Variants in MMP16 observed in about 807,000 individuals in gnomAD.
MMP16 encodes matrix metalloproteinase-16.
MMP16 carries 12 observed loss-of-function variants against 67.8 expected under a neutral mutation model. The observed-to-expected ratio is 0.18, with a 90% CI of 0.11 to 0.29. The LOEUF is 0.29. Among genes scored for constraint, MMP16 ranks in the 10% least tolerant of loss-of-function variants. The pLI, the probability that MMP16 is intolerant of heterozygous loss-of-function variation, is 1.00. For missense variants in MMP16, 475 were observed against 765.7 expected (o/e 0.62, Z 4.48); for synonymous variants, 249 against 255.9 (o/e 0.97, Z 0.26).
At chr8:88,124,073 T>G (rs1244991998) in intron 4 of MMP16, among the ~76,000 whole-genome samples, 1 of 152,038 alleles carries the variant, frequency 6.6e-6, no homozygotes, top group African/African-American at 2.4e-5. Flanking sequence ...ATGAGTAAAT[T>G]TCTTGCAATG....
At chr8:88,257,298 G>C (rs902639017) in intron 1 of MMP16, among the ~76,000 whole-genome samples, 1 of 152,268 alleles carries the variant, frequency 6.6e-6, no homozygotes, top group Admixed American at 6.5e-5. Flanking sequence ...AAATACATAT[G>C]GACAATGCAC....
At chr8:88,086,143 T>C (rs79820980) in intron 6 of MMP16, among the ~76,000 whole-genome samples, 4,044 of 151,948 alleles carry the variant, frequency 0.027, 234 homozygotes, top group African/African-American at 0.093. Flanking sequence ...GCTGACACTC[T>C]TTTCTTTTTA....
intron 4 of MMP16, among the ~76,000 whole-genome samples, chr8:88,153,623 C>A (rs1474192858): frequency 6.6e-6 from 1 of 151,186 alleles, no homozygotes; most frequent in Non-Finnish European, 1.5e-5. Flanking sequence ...GGAAAGGATT[C>A]CCTATTTAAT....
At chr8:88,124,449 T>C (rs922383890) in intron 4 of MMP16, among the ~76,000 whole-genome samples, 4 of 151,872 alleles carry the variant, frequency 2.6e-5, no homozygotes, top group Admixed American at 2.6e-4. Context: ...AGCAGAAACT[T>C]ATGTAAGCCC....
At chr8:88,064,956 T>C (rs1053799815) in intron 7 of MMP16, among the ~76,000 whole-genome samples, 1 of 152,024 alleles carries the variant, frequency 6.6e-6, no homozygotes, top group Non-Finnish European at 1.5e-5. Context: ...ATCAGCTGAG[T>C]GCCTTTGGGT....
intron 1 of MMP16, among the ~76,000 whole-genome samples, chr8:88,299,030 A>C (rs1388930652): frequency 6.6e-6 from 1 of 152,112 alleles, no homozygotes; most frequent in Middle Eastern, 3.4e-3. Context: ...TTCATCTTTT[A>C]AGATCACACA....
At chr8:88,230,540 T>C (rs35389061) in intron 1 of MMP16, among the ~76,000 whole-genome samples, 49 of 127,854 alleles carry the variant, frequency 3.8e-4, no homozygotes, top group African/African-American at 6.7e-4. Flanking sequence ...ATTTTCTTTT[T>C]TTTTTTTTTT....
intron 1 of MMP16, among the ~76,000 whole-genome samples, chr8:88,252,267 C>A (rs1351469967): frequency 3.3e-5 from 5 of 152,130 alleles, no homozygotes; most frequent in African/African-American, 7.2e-5. Flanking sequence ...GTCTTTATGA[C>A]CCTCTGATGG....
In MMP16 at chr8:88,167,543, C is replaced by T. The variant is rs551112793; in HGVS notation, c.709+126G>A. The T allele has an allele frequency of 2.9e-5, 25 of 860,994 alleles. No individual in the cohort carries two copies. In the Admixed American group the frequency reaches 6.7e-4, roughly 23 times the overall value. 53.3% of individuals were successfully genotyped at this position (860,994 alleles called of 1,614,324 possible). Reference sequence around the variant, plus strand: ...CCTAAAATGCTATAAAATATGCTTACATATTGCTTTGGAATTTTAAAAGTA... The same window carrying T: ...CCTAAAATGCTATAAAATATGCTTATATATTGCTTTGGAATTTTAAAAGTA... On this transcript the variant is annotated intron_variant, in intron 4 of 9. Coordinates refer to ENST00000286614, the MANE Select transcript of MMP16 (RefSeq NM_005941.5).
intron 1 of MMP16, among the ~76,000 whole-genome samples, chr8:88,245,368 G>A (rs965659365): frequency 6.6e-6 from 1 of 152,150 alleles, no homozygotes; most frequent in Non-Finnish European, 1.5e-5. Context: ...CAGACATTCT[G>A]AGTATGGAAG....
chr8:88,081,315 C>CA (rs1188909028), intron 6 of MMP16, among the ~76,000 whole-genome samples: 1 of 152,150 alleles, frequency 6.6e-6, no homozygotes, highest in Non-Finnish European at 1.5e-5. Flanking sequence ...TGAACTGACT[C>CA]ATTCTTTTAG....
intron 4 of MMP16, among the ~76,000 whole-genome samples, chr8:88,146,822 T>C (rs1371513315): frequency 1.3e-5 from 2 of 151,960 alleles, no homozygotes; most frequent in African/African-American, 4.8e-5. Context: ...AATATTTATG[T>C]AAATGTTCAA....
In MMP16 at chr8:88,039,268, G is replaced by A. The variant is rs1808096914; in HGVS notation, c.*2193C>T. The A allele has an allele frequency of 6.6e-6, 1 of 151,386 alleles. No homozygotes were observed. The highest frequency in any genetic ancestry group is 1.5e-5 in the Non-Finnish European group (1 of 67,750). 9.4% of individuals were successfully genotyped at this position (151,386 alleles called of 1,614,324 possible). On this transcript the variant is annotated 3_prime_UTR_variant, in exon 10 of 10. Coordinates refer to ENST00000286614, the MANE Select transcript of MMP16 (RefSeq NM_005941.5). This position sits in a 1 kb window ranked among gnomAD's most constrained non-coding sequence, Gnocchi z 4.5. ...AGGTTTTTTTTTTCCTATAGTTTTT[G>A]TAATTTGTACTAAAATGATGAATTT...
At chr8:88,077,109 T>C (rs1017837581) in intron 6 of MMP16, among the ~76,000 whole-genome samples, 3 of 152,200 alleles carry the variant, frequency 2.0e-5, no homozygotes, top group African/African-American at 7.2e-5. Flanking sequence ...CAGAAGGTCA[T>C]GTGAAACTGC....
In MMP16 at chr8:88,073,422, G is replaced by T. The variant is rs1043685316; in HGVS notation, c.1222+1183C>A. ...TAGTCCTTAAAATCATTTTGAGATG[G>T]GGAATAATACAAACTCCATTTTTCA... On this transcript the variant is annotated intron_variant, in intron 7 of 9. Coordinates refer to ENST00000286614, the MANE Select transcript of MMP16 (RefSeq NM_005941.5). Among the ~76,000 whole-genome samples the T allele has an allele frequency of 1.3e-4, 20 of 152,086 alleles. 1 individual carries two copies. Among genetic ancestry groups the T allele is most frequent in the Admixed American group, 7.9e-4 (12 of 15,250 alleles).
chr8:88,254,861 A>T (rs548502303), intron 1 of MMP16, among the ~76,000 whole-genome samples: 2 of 152,180 alleles, frequency 1.3e-5, no homozygotes, highest in Non-Finnish European at 2.9e-5. Context: ...ACAATAGTGC[A>T]TCAATCTTAG....
chr8:88,108,181 G>A (rs946742311), intron 6 of MMP16, among the ~76,000 whole-genome samples: 1 of 151,120 alleles, frequency 6.6e-6, no homozygotes, highest in Non-Finnish European at 1.5e-5. Flanking sequence ...TGAATGCCAG[G>A]TGAAAAAATA....
chr8:88,254,688 G>C (rs1169970736), intron 1 of MMP16, among the ~76,000 whole-genome samples: 1 of 152,050 alleles, frequency 6.6e-6, no homozygotes, highest in East Asian at 1.9e-4. Flanking sequence ...CTGTGAAGAT[G>C]ATAAAAAATA....
intron 1 of MMP16, among the ~76,000 whole-genome samples, chr8:88,307,270 T>G (rs1360853984): frequency 6.6e-6 from 1 of 152,130 alleles, no homozygotes; most frequent in Non-Finnish European, 1.5e-5. Context: ...TTAAGGTAGT[T>G]CAAATTGGCT....
Sources: allele counts gnomAD v4.1 joint callset (sites outside exome capture counted in the v4.1 genomes callset), GRCh38; gene constraint gnomAD v4.1.1; non-coding constraint Gnocchi (gnomAD v3.1); transcripts MANE v1.5; gene names NCBI Gene and HGNC (gene_info 2026-07-23, HGNC 2026-07-21).